Variants in OR6N1 observed in about 807,000 individuals in gnomAD.
The protein encoded by OR6N1 is olfactory receptor family 6 subfamily N member 1.
For synonymous variants in OR6N1, 170 were observed against 150.7 expected (o/e 1.13, Z -0.94); for missense variants, 394 against 371.7 (o/e 1.06, Z -0.49).
the OR6N1 span, among the ~76,000 whole-genome samples, chr1:158,821,438 C>T: frequency 5.6e-4 from 86 of 152,218 alleles, no homozygotes; most frequent in Admixed American, 9.8e-4. Context: ...AGAGTAGTTT[C>T]GCTGCCCTAA....
the OR6N1 span, among the ~76,000 whole-genome samples, chr1:158,804,614 A>G: frequency 6.6e-6 from 1 of 152,220 alleles, no homozygotes. Context: ...TTAGAAATAA[A>G]TAGAGAAATA....
At chr1:158,811,453 CAT>C in the OR6N1 span, among the ~76,000 whole-genome samples, 1 of 152,192 alleles carries the variant, frequency 6.6e-6, no homozygotes. Flanking sequence ...GTGGCATTTA[CAT>C]ATGTTTATTT....
the OR6N1 span, among the ~76,000 whole-genome samples, chr1:158,831,804 T>G: frequency 1.3e-5 from 2 of 152,264 alleles, no homozygotes; most frequent in East Asian, 3.9e-4. Flanking sequence ...TTGGGTGTCT[T>G]TTGGCATAAA....
At chr1:158,768,431 T>C (rs890664384) in intron 1 of OR6N1, among the ~76,000 whole-genome samples, 2 of 152,188 alleles carry the variant, frequency 1.3e-5, no homozygotes, top group African/African-American at 2.4e-5. Context: ...ACTCCTGCAG[T>C]CATCCTTGTT....
chr1:158,776,844 C>T (rs1314248496), upstream of OR6N1: 5 of 1,614,144 alleles, frequency 3.1e-6, no homozygotes, highest in South Asian at 2.2e-5. Context: ...GGGAATAGCT[C>T]TTCTTTAGCC....
upstream of OR6N1, chr1:158,775,330 G>A (rs181408331): frequency 4.5e-4 from 69 of 152,250 alleles, no homozygotes; most frequent in African/African-American, 1.3e-3. Context: ...GGGAAAAAAC[G>A]GAGTGAAGAT....
the OR6N1 span, among the ~76,000 whole-genome samples, chr1:158,825,543 A>G: frequency 6.6e-6 from 1 of 152,324 alleles, no homozygotes; most frequent in East Asian, 1.9e-4. Context: ...ATCACTAATA[A>G]TTAGAGAAAT....
chr1:158,785,056 A>G, the OR6N1 span, among the ~76,000 whole-genome samples: 1 of 152,244 alleles, frequency 6.6e-6, no homozygotes, highest in African/African-American at 2.4e-5. Context: ...TTTGTTCCAT[A>G]TTTGCATGTT....
chr1:158,799,240 T>C, the OR6N1 span, among the ~76,000 whole-genome samples: 1 of 152,224 alleles, frequency 6.6e-6, no homozygotes, highest in African/African-American at 2.4e-5. Context: ...ACTGTATGAT[T>C]TGTTCACCAC....
At chr1:158,788,586 T>C in the OR6N1 span, among the ~76,000 whole-genome samples, 2 of 152,184 alleles carry the variant, frequency 1.3e-5, no homozygotes, top group African/African-American at 2.4e-5. Context: ...TGTGATACTT[T>C]GATACATTCA....
chr1:158,798,977 C>A, the OR6N1 span, among the ~76,000 whole-genome samples: 3 of 152,192 alleles, frequency 2.0e-5, no homozygotes, highest in African/African-American at 7.2e-5. Flanking sequence ...CCCAGTTCCC[C>A]CTTCCAGTCC....
chr1:158,788,364 A>G, the OR6N1 span, among the ~76,000 whole-genome samples: 1 of 152,212 alleles, frequency 6.6e-6, no homozygotes, highest in Admixed American at 6.5e-5. Context: ...AATTTTTATT[A>G]GACATATAAA....
At chr1:158,815,091 T>C in the OR6N1 span, among the ~76,000 whole-genome samples, 2 of 152,182 alleles carry the variant, frequency 1.3e-5, no homozygotes, top group Admixed American at 1.3e-4. Flanking sequence ...GAATAAATGA[T>C]TGTGGAGTGA....
upstream of OR6N1, among the ~76,000 whole-genome samples, chr1:158,772,805 T>C (rs2102011422): frequency 6.6e-6 from 1 of 152,312 alleles, no homozygotes; most frequent in African/African-American, 2.4e-5. Flanking sequence ...CACTGAGCCA[T>C]GGTTGGCAAT....
the OR6N1 span, among the ~76,000 whole-genome samples, chr1:158,818,010 T>C: frequency 6.6e-6 from 1 of 152,234 alleles, no homozygotes; most frequent in Non-Finnish European, 1.5e-5. Context: ...AGAGTGATGA[T>C]GAAACTTTAA....
chr1:158,786,756 A>G, the OR6N1 span, among the ~76,000 whole-genome samples: 1 of 152,188 alleles, frequency 6.6e-6, no homozygotes, highest in South Asian at 2.1e-4. Flanking sequence ...AAAACTAAAT[A>G]TCATATGTTC....
At chr1:158,804,450 TG>T in the OR6N1 span, among the ~76,000 whole-genome samples, 1 of 152,234 alleles carries the variant, frequency 6.6e-6, no homozygotes, top group Non-Finnish European at 1.5e-5. Flanking sequence ...GTGGTTACAC[TG>T]ATATCTTCAT....
At chr1:158,816,451 G>A in the OR6N1 span, among the ~76,000 whole-genome samples, 2 of 152,184 alleles carry the variant, frequency 1.3e-5, no homozygotes, top group African/African-American at 2.4e-5. Flanking sequence ...CAGCACTTCA[G>A]GAGGCTGAGG....
chr1:158,773,152 A>G (rs1459453437), upstream of OR6N1, among the ~76,000 whole-genome samples: 3 of 137,470 alleles, frequency 2.2e-5, no homozygotes, highest in African/African-American at 5.5e-5. Context: ...ATATTTTTCT[A>G]TCTCCTAATT....
Sources: allele counts gnomAD v4.1 joint callset (sites outside exome capture counted in the v4.1 genomes callset), GRCh38; gene constraint gnomAD v4.1.1; transcripts MANE v1.5; gene names NCBI Gene and HGNC (gene_info 2026-07-23, HGNC 2026-07-21).